Variants in ADCY2 observed in about 807,000 individuals in gnomAD.
ADCY2 encodes adenylate cyclase 2, also known as adenylate cyclase type 2.
ADCY2 carries 31 observed loss-of-function variants against 125.2 expected under a neutral mutation model. The observed-to-expected ratio is 0.25, with a 90% CI of 0.19 to 0.33. ADCY2 has a LOEUF of 0.33. Among genes scored for constraint, ADCY2 ranks in the 10% least tolerant of loss-of-function variants. ADCY2 has a pLI of 1.00. For missense variants in ADCY2, 904 were observed against 1,418.2 expected (o/e 0.64, Z 5.82); for synonymous variants, 512 against 548.4 (o/e 0.93, Z 0.93).
At chr5:7,762,135 G>A (rs1013672361) in intron 16 of ADCY2, among the ~76,000 whole-genome samples, 1 of 152,190 alleles carries the variant, frequency 6.6e-6, no homozygotes, top group Non-Finnish European at 1.5e-5. Flanking sequence ...GAAGAAATCA[G>A]AGCTGCTCAA....
chr5:7,739,107 T>A (rs1742337415), intron 14 of ADCY2, among the ~76,000 whole-genome samples: 1 of 151,946 alleles, frequency 6.6e-6, no homozygotes, highest in Non-Finnish European at 1.5e-5. Flanking sequence ...AATACTTGTT[T>A]ACTTAAAGTG....
At chr5:7,546,074 A>G (rs1471265482) in intron 3 of ADCY2, among the ~76,000 whole-genome samples, 2 of 152,128 alleles carry the variant, frequency 1.3e-5, no homozygotes, top group African/African-American at 2.4e-5. Context: ...AACTCCTTTC[A>G]CCTATTCCAA....
At position 7,816,854 on chromosome 5, in the gene ADCY2, G is replaced by GT. The variant is rs757465927; in HGVS notation, c.2884-9dup. 36 of 1,611,498 alleles carry GT rather than the reference G, an allele frequency of 2.2e-5. No homozygotes were observed. The African/African-American group carries it at 4.5e-4, about 20-fold the overall frequency. On this transcript the variant is annotated splice_polypyrimidine_tract_variant and intron_variant, in intron 22 of 24. Coordinates refer to ENST00000338316, the MANE Select transcript of ADCY2 (RefSeq NM_020546.3). ...CTCTAACTTCCATCTGCCTGTGTGTGTTTGTTCTCAGGAGCCCGAGCGGCA... is the reference window on the plus strand; with the variant it reads ...CTCTAACTTCCATCTGCCTGTGTGTGTTTTGTTCTCAGGAGCCCGAGCGGCA...
chr5:7,432,900 A>ATGTACTGCTTATTGTACTTGT (rs1554008376), intron 2 of ADCY2, among the ~76,000 whole-genome samples: 3 of 151,538 alleles, frequency 2.0e-5, no homozygotes, highest in African/African-American at 2.4e-5. Flanking sequence ...CAATTTCAAC[A>ATGTACTGCTTATTGTACTTGT]TGTACTGCTT....
At chr5:7,536,966 A>C (rs911080537) in intron 3 of ADCY2, among the ~76,000 whole-genome samples, 12 of 152,228 alleles carry the variant, frequency 7.9e-5, no homozygotes. Flanking sequence ...AGTCATTTCT[A>C]ATCAAAATTT....
chr5:7,612,764 C>G (rs1737608674), intron 3 of ADCY2, among the ~76,000 whole-genome samples: 1 of 152,210 alleles, frequency 6.6e-6, no homozygotes, highest in Non-Finnish European at 1.5e-5. Flanking sequence ...CGCCTGTAAT[C>G]CCAGCACTTT....
intron 1 of ADCY2, among the ~76,000 whole-genome samples, chr5:7,400,205 A>C (rs1164171195): frequency 6.6e-6 from 1 of 152,200 alleles, no homozygotes; most frequent in Non-Finnish European, 1.5e-5. Flanking sequence ...AAAAAATTTT[A>C]TTCCATAATT....
chr5:7,622,875 G>T (rs1227991485), intron 3 of ADCY2, among the ~76,000 whole-genome samples: 1 of 152,216 alleles, frequency 6.6e-6, no homozygotes, highest in African/African-American at 2.4e-5. Context: ...CCACAGAGGG[G>T]GCACTACCCT....
At chr5:7,502,447 A>C (rs1373494957) in intron 2 of ADCY2, among the ~76,000 whole-genome samples, 1 of 151,556 alleles carries the variant, frequency 6.6e-6, no homozygotes, top group African/African-American at 2.4e-5. Flanking sequence ...GCCACCTCTT[A>C]CTCCCACCGT....
intron 11 of ADCY2, among the ~76,000 whole-genome samples, chr5:7,716,723 T>A (rs1371043794): frequency 6.6e-6 from 1 of 152,226 alleles, no homozygotes; most frequent in African/African-American, 2.4e-5. Context: ...AAATTTGGCA[T>A]GTTCTCACTC....
chr5:7,803,578 G>A (rs75256087), intron 21 of ADCY2, among the ~76,000 whole-genome samples: 1 of 152,142 alleles, frequency 6.6e-6, no homozygotes, highest in Admixed American at 6.5e-5. Flanking sequence ...CAAGTGGGAC[G>A]CTGATAACTA....
chr5:7,612,416 C>T (rs1048390649), intron 3 of ADCY2, among the ~76,000 whole-genome samples: 2 of 152,254 alleles, frequency 1.3e-5, no homozygotes, highest in East Asian at 1.9e-4. Flanking sequence ...TGAGGCGGGG[C>T]CTAGCACAAA....
In ADCY2 at chr5:7,701,025, GTAAC is replaced by G. The variant is rs368081995; in HGVS notation, c.1109+2654_1109+2657del. On this transcript the variant is annotated intron_variant, in intron 7 of 24. Coordinates refer to ENST00000338316, the MANE Select transcript of ADCY2 (RefSeq NM_020546.3). ...GTTTTTAGCTTTTTTTCAAAAGTAA[GTAAC>G]TACTTTTAATTCTATGGATCTAGGT... Among the ~76,000 whole-genome samples, 1,139 of 152,066 alleles carry G rather than the reference GTAAC, an allele frequency of 7.5e-3. 7 individuals are homozygous for G. The highest frequency in any genetic ancestry group is 0.034 in the Middle Eastern group (10 of 294).
intron 15 of ADCY2, among the ~76,000 whole-genome samples, chr5:7,747,702 CCG>C (rs1156861695): frequency 9.9e-5 from 15 of 152,146 alleles, no homozygotes; most frequent in Non-Finnish European, 2.1e-4. Flanking sequence ...TCTGAAGAGC[CCG>C]CCTTTGCACC....
At chr5:7,574,014 G>T in intron 3 of ADCY2, among the ~76,000 whole-genome samples, 1 of 115,852 alleles carries the variant, frequency 8.6e-6, no homozygotes, top group Non-Finnish European at 1.8e-5. Flanking sequence ...TGCGGTGTTT[G>T]GTTTTTTGTT....
rs1319629834 is a variant in ADCY2, at chr5:7,726,783, G to T, written c.1774-381G>T. Among the ~76,000 whole-genome samples, 6 of 152,178 alleles carry T rather than the reference G, an allele frequency of 3.9e-5. No individual in the cohort carries two copies. In the East Asian group the frequency reaches 1.2e-3, roughly 29 times the overall value. On this transcript the variant is annotated intron_variant, in intron 13 of 24. Transcript: ENST00000338316. ...TATTCAAAAGTAAGATAGTATATGA[G>T]AAGTCATGCCCTTTCCCTCAGTAGT...
intron 4 of ADCY2, among the ~76,000 whole-genome samples, chr5:7,666,122 G>A (rs1326793556): frequency 6.6e-6 from 1 of 151,776 alleles, no homozygotes; most frequent in East Asian, 2.0e-4. Flanking sequence ...ACAGGCGTGA[G>A]CCACTGCGCC....
intron 14 of ADCY2, among the ~76,000 whole-genome samples, chr5:7,728,011 C>T (rs1003392451): frequency 6.6e-6 from 1 of 152,054 alleles, no homozygotes; most frequent in East Asian, 1.9e-4. Context: ...CTTTTAATAA[C>T]TGGGGATATG....
At chr5:7,738,207 A>G (rs1242070706) in intron 14 of ADCY2, among the ~76,000 whole-genome samples, 1 of 152,162 alleles carries the variant, frequency 6.6e-6, no homozygotes, top group East Asian at 1.9e-4. Context: ...TGTGACATAT[A>G]CTGAGAATTC....
Sources: gnomAD v4.1 joint callset for allele counts (sites outside exome capture counted in the v4.1 genomes callset) on GRCh38, gnomAD v4.1.1 for gene constraint, MANE v1.5 for transcripts, NCBI Gene and HGNC (gene_info 2026-07-23, HGNC 2026-07-21) for gene names.